CHRM3: variants seen among roughly 807,000 people sequenced by gnomAD.
CHRM3 encodes muscarinic acetylcholine receptor M3.
CHRM3 carries 11 observed loss-of-function variants against 41.8 expected under a neutral mutation model. The observed-to-expected ratio is 0.26, with a 90% CI of 0.17 to 0.44. The LOEUF (loss-of-function observed/expected upper bound fraction) is 0.44. Among genes scored for constraint, CHRM3 ranks in the 20% least tolerant of loss-of-function variants. The pLI is 1.00. For missense variants in CHRM3, 571 were observed against 745.4 expected, an observed-to-expected ratio of 0.77 and a Z score of 2.72; for synonymous variants, 297 against 301.4, an observed-to-expected ratio of 0.99 and a Z score of 0.15.
At chr1:239,703,981 GGAA>G (rs1660914255) in intron 5 of CHRM3, 1 of 152,168 alleles carries the variant, frequency 6.6e-6, no homozygotes, top group South Asian at 2.1e-4. Flanking sequence ...GGAAAGAGCT[GGAA>G]TAACTTTGGA....
intron 6 of CHRM3, among the ~76,000 whole-genome samples, chr1:239,896,472 A>G (rs563861679): frequency 1.3e-5 from 2 of 152,348 alleles, no homozygotes; most frequent in Admixed American, 1.3e-4. Flanking sequence ...GAAGAGTTGA[A>G]CACGTGAATA....
intron 1 of CHRM3, among the ~76,000 whole-genome samples, chr1:239,482,765 G>GC (rs1666940367): frequency 6.6e-6 from 1 of 152,010 alleles, no homozygotes; most frequent in African/African-American, 2.4e-5. Flanking sequence ...ATCCATTATG[G>GC]CCGGTACCTA....
chr1:239,629,108 C>A (rs1344192688), intron 3 of CHRM3: 4 of 130,880 alleles, frequency 3.1e-5, no homozygotes, highest in African/African-American at 1.2e-4. Context: ...AGCCTCGTTG[C>A]CGCCTTGCAG....
At chr1:239,884,062 T>A (rs147589521) in intron 6 of CHRM3, among the ~76,000 whole-genome samples, 138 of 152,338 alleles carry the variant, frequency 9.1e-4, no homozygotes, top group Admixed American at 2.8e-3. Flanking sequence ...ATAGCCAAAC[T>A]TGCATGTTTT....
At chr1:239,831,559 A>C (rs1672897354) in intron 6 of CHRM3, among the ~76,000 whole-genome samples, 1 of 152,172 alleles carries the variant, frequency 6.6e-6, no homozygotes, top group Admixed American at 6.5e-5. Context: ...CTCATCCTCT[A>C]ATTTTGTCTG....
rs927318540 is a variant in CHRM3 at position 239,914,111 on chromosome 1, G to A, written c.*4887G>A. ...CCCAAATTATAATCCGGCAACCCTA[G>A]CTTCAGCTAAAAAGATTATCCCCAG... On this transcript the variant is annotated 3_prime_UTR_variant, in exon 7 of 7. Transcript: ENST00000676153. The A allele has an allele frequency of 6.0e-6, 1 of 167,172 alleles. No individual in the cohort carries two copies. Among genetic ancestry groups the A allele is most frequent in the South Asian group, 2.1e-4 (1 of 4,824 alleles). 10.4% of individuals were successfully genotyped at this position (167,172 alleles called of 1,614,324 possible).
chr1:239,515,865 G>A (rs1018040422), intron 2 of CHRM3, among the ~76,000 whole-genome samples: 1 of 152,100 alleles, frequency 6.6e-6, no homozygotes, highest in African/African-American at 2.4e-5. Context: ...TGTTTATTAA[G>A]ACAAAAGCTC....
intron 1 of CHRM3, among the ~76,000 whole-genome samples, chr1:239,411,612 C>T (rs1661069222): frequency 6.7e-6 from 1 of 150,224 alleles, no homozygotes; most frequent in Non-Finnish European, 1.5e-5. Flanking sequence ...ACAATCCCAG[C>T]TACTCAGGAG....
At chr1:239,757,678 G>T (rs866079349) in intron 5 of CHRM3, among the ~76,000 whole-genome samples, 1 of 151,574 alleles carries the variant, frequency 6.6e-6, no homozygotes, top group Admixed American at 6.6e-5. Flanking sequence ...TGTCTGAATC[G>T]TATATTTTTT....
chr1:239,520,877 A>AT (rs1412670210), intron 2 of CHRM3, among the ~76,000 whole-genome samples: 1 of 152,192 alleles, frequency 6.6e-6, no homozygotes, highest in Non-Finnish European at 1.5e-5. Flanking sequence ...TTGTACATAC[A>AT]TAACATACTG....
intron 1 of CHRM3, among the ~76,000 whole-genome samples, chr1:239,441,472 G>A (rs761177137): frequency 6.6e-6 from 1 of 152,106 alleles, no homozygotes; most frequent in Non-Finnish European, 1.5e-5. Context: ...TCCAATATTT[G>A]TCTACATTTG....
intron 1 of CHRM3, among the ~76,000 whole-genome samples, chr1:239,435,791 T>C (rs1663214656): frequency 6.6e-6 from 1 of 152,170 alleles, no homozygotes; most frequent in Non-Finnish European, 1.5e-5. Flanking sequence ...CCATTCTTTT[T>C]TCTTTTTGAC....
intron 6 of CHRM3, among the ~76,000 whole-genome samples, chr1:239,906,079 A>G (rs990347103): frequency 1.3e-5 from 2 of 152,184 alleles, no homozygotes; most frequent in African/African-American, 2.4e-5. Context: ...GAAGTTAAAT[A>G]TCTAAGTTCT....
intron 6 of CHRM3, among the ~76,000 whole-genome samples, chr1:239,903,686 C>G (rs1679751243): frequency 6.6e-6 from 1 of 152,214 alleles, no homozygotes; most frequent in African/African-American, 2.4e-5. Flanking sequence ...CCATCTCTCT[C>G]CTTCCTTCAT....
At chr1:239,462,523 A>C (rs1433081228) in intron 1 of CHRM3, among the ~76,000 whole-genome samples, 1 of 152,226 alleles carries the variant, frequency 6.6e-6, no homozygotes, top group Non-Finnish European at 1.5e-5. Context: ...TTCAATTTGT[A>C]CCTTCACACT....
chr1:239,439,360 A>C (rs921091145), intron 1 of CHRM3, among the ~76,000 whole-genome samples: 1 of 152,148 alleles, frequency 6.6e-6, no homozygotes, highest in African/African-American at 2.4e-5. Context: ...TTAGTTACTC[A>C]TGGGAAAATG....
chr1:239,885,838 T>C (rs898430955), intron 6 of CHRM3, among the ~76,000 whole-genome samples: 1 of 152,206 alleles, frequency 6.6e-6, no homozygotes, highest in Non-Finnish European at 1.5e-5. Context: ...TAGGTAATGA[T>C]CCCAGGGCAC....
chr1:239,516,610 G>C (rs1669289499), intron 2 of CHRM3, among the ~76,000 whole-genome samples: 1 of 152,210 alleles, frequency 6.6e-6, no homozygotes, highest in Non-Finnish European at 1.5e-5. Context: ...CCTTTACGCT[G>C]AAATGAGGAA....
intron 5 of CHRM3, among the ~76,000 whole-genome samples, chr1:239,680,828 A>T (rs889820691): frequency 1.3e-5 from 2 of 151,530 alleles, no homozygotes; most frequent in African/African-American, 4.8e-5. Flanking sequence ...ACTGCGGAGG[A>T]GACTTTTTTT....
Sources: gnomAD v4.1 joint callset for allele counts (sites outside exome capture counted in the v4.1 genomes callset) on GRCh38, gnomAD v4.1.1 for gene constraint, MANE v1.5 for transcripts, NCBI Gene and HGNC (gene_info 2026-07-23, HGNC 2026-07-21) for gene names.